Variants in PPP1R42 observed in about 807,000 individuals in gnomAD.
PPP1R42 encodes leucine rich repeat containing 67.
PPP1R42 carries 34 observed loss-of-function variants against 31.0 expected under a neutral mutation model. The observed-to-expected ratio is 1.10, with a 90% CI of 0.83 to 1.46. The LOEUF (loss-of-function observed/expected upper bound fraction) is 1.46, where lower values mean the gene tolerates loss of function less well. PPP1R42 is among the 40% of genes most tolerant of loss of function. PPP1R42 has a pLI of 0.00. For missense variants in PPP1R42, 268 were observed against 303.0 expected, an observed-to-expected ratio of 0.88 and a Z score of 0.86; for synonymous variants, 103 against 109.8, an observed-to-expected ratio of 0.94 and a Z score of 0.39.
intron 7 of PPP1R42, among the ~76,000 whole-genome samples, chr8:66,975,415 A>G (rs1184046782): frequency 6.6e-6 from 1 of 152,206 alleles, no homozygotes; most frequent in Non-Finnish European, 1.5e-5. Context: ...TGGAAGGCCA[A>G]GGTGGGTGGA....
intron 1 of PPP1R42, among the ~76,000 whole-genome samples, chr8:67,020,794 T>C (rs977556871): frequency 6.6e-6 from 1 of 152,196 alleles, no homozygotes; most frequent in Non-Finnish European, 1.5e-5. Flanking sequence ...CTGTTAAATA[T>C]GGGAAACATG....
intron 5 of PPP1R42, among the ~76,000 whole-genome samples, chr8:66,995,974 A>T (rs1585658747): frequency 6.6e-6 from 1 of 152,182 alleles, no homozygotes; most frequent in East Asian, 1.9e-4. Flanking sequence ...ACTACCTCCA[A>T]CCCCTACTAC....
chr8:66,982,110 AT>A lies in PPP1R42; in HGVS notation c.740del (p.Asp247ValfsTer21). 6.7e-7 allele frequency: 1 copy of A among 1,494,918 alleles called. No individual in the cohort carries two copies. Among genetic ancestry groups the A allele is most frequent in the Non-Finnish European group, 8.8e-7 (1 of 1,133,902 alleles). The allele number at this position is 1,494,918 out of a possible 1,614,324, so 92.6% of individuals were successfully genotyped here. ...TCCTTTTTTTGCTGATTTTCTTGGCATCTTTGGATGCTTTCCAATTCATTAG... is the reference window on the plus strand; with the variant it reads ...TCCTTTTTTTGCTGATTTTCTTGGCACTTTGGATGCTTTCCAATTCATTAG... ...QFLMNWKASK[D>X]AKKISKKRSS... On this transcript the variant is annotated frameshift_variant, in exon 7 of 8. Transcript: ENST00000685739. LOFTEE classifies it high-confidence loss of function.
In PPP1R42 at chr8:67,002,099, C is replaced by T. The variant is rs149064430; in HGVS notation, c.552+8616G>A. On this transcript the variant is annotated intron_variant, in intron 5 of 7. Coordinates refer to ENST00000685739, the MANE Select transcript of PPP1R42 (RefSeq NM_001364910.1). Reference sequence around the variant, plus strand: ...CATTTTAAATATGTTTCATGATCTTCTGGCTTGCATTGCTTTTGACAAGAA... The same window carrying T: ...CATTTTAAATATGTTTCATGATCTTTTGGCTTGCATTGCTTTTGACAAGAA... Among the ~76,000 whole-genome samples the T allele has an allele frequency of 1.5e-3, 232 of 152,312 alleles. 1 individual carries two copies. Among genetic ancestry groups the T allele is most frequent in the Middle Eastern group, 3.4e-3 (1 of 294 alleles).
intron 5 of PPP1R42, among the ~76,000 whole-genome samples, chr8:67,001,218 A>G (rs1585664372): frequency 6.8e-6 from 1 of 146,922 alleles, no homozygotes; most frequent in East Asian, 2.0e-4. Context: ...AGAGAGTACC[A>G]TTGGATTTTT....
chr8:67,018,280 G>C (rs1400371464), intron 1 of PPP1R42, among the ~76,000 whole-genome samples: 2 of 148,682 alleles, frequency 1.3e-5, no homozygotes, highest in Admixed American at 1.3e-4. Context: ...CCACGCCCCA[G>C]CTAATTTTTA....
At chr8:66,966,749 C>T (rs904927503) in intron 7 of PPP1R42, among the ~76,000 whole-genome samples, 1 of 151,728 alleles carries the variant, frequency 6.6e-6, no homozygotes, top group Non-Finnish European at 1.5e-5. Context: ...CACGCCACTG[C>T]ACTCCAGCCT....
chr8:66,984,041 A>T (rs1814927111), intron 6 of PPP1R42: 1 of 1,253,180 alleles, frequency 8.0e-7, no homozygotes, highest in African/African-American at 1.5e-5. Context: ...CAGTTCTGAG[A>T]TCATACAAGT....
chr8:67,001,743 TGTTA>T (rs1815497915), intron 5 of PPP1R42, among the ~76,000 whole-genome samples: 1 of 152,192 alleles, frequency 6.6e-6, no homozygotes, highest in Non-Finnish European at 1.5e-5. Context: ...TTTGTGCTAT[TGTTA>T]GTTTATTTTA....
In PPP1R42 at chr8:66,973,679, G is replaced by A. The variant is rs1585962303; in HGVS notation, c.802+8370C>T. 2.6e-5 allele frequency among the ~76,000 whole-genome samples: 4 copies of A among 152,216 alleles called. No individual in the cohort carries two copies. The South Asian group carries it at 8.3e-4, about 32-fold the overall frequency. On this transcript the variant is annotated intron_variant, in intron 7 of 7. Coordinates refer to ENST00000685739, the MANE Select transcript of PPP1R42 (RefSeq NM_001364910.1). The stretch of plus-strand genomic sequence containing the variant: ...TTTACCTTAGGTACAATATCGTATA[G>A]TAGATCTCTAGAGTTTATTCATCTT...
intron 7 of PPP1R42, among the ~76,000 whole-genome samples, chr8:66,964,629 A>G (rs1412317217): frequency 1.3e-5 from 2 of 152,170 alleles, no homozygotes; most frequent in Admixed American, 6.5e-5. Flanking sequence ...GGCTTCTTAT[A>G]TTTTGCACCC....
intron 6 of PPP1R42, 119 bp from the exon 7 acceptor site, chr8:66,982,299 G>T: frequency 2.2e-6 from 1 of 452,816 alleles, no homozygotes; most frequent in Non-Finnish European, 3.7e-6. Context: ...AAATAAATTT[G>T]TTTTTAAAAT....
chr8:66,982,088 T>C lies in PPP1R42; in HGVS notation c.763A>G (p.Arg255Gly). The change falls in exon 7 of 8, where the codon AGG (arginine) becomes GGG (glycine). Residue 255 changes from arginine (R) to glycine (G), a missense_variant. By Grantham distance (125) the Arg-to-Gly change is moderately radical. Transcript: ENST00000685739. The stretch of plus-strand genomic sequence containing the variant: ...CTTGCATCCTCATTTTTACTGCTCC[T>C]TTTTTTGCTGATTTTCTTGGCATCT... The part of the protein sequence containing the change: ...SKDAKKISKK[R>G]SSKNEDASNS... 2.0e-6 allele frequency: 3 copies of C among 1,493,780 alleles called. No homozygotes were observed. The highest frequency in any genetic ancestry group is 2.7e-6 in the Non-Finnish European group (3 of 1,131,610). The allele number at this position is 1,493,780 out of a possible 1,614,324, so 92.5% of individuals were successfully genotyped here. A position where few individuals can be genotyped will look rare whatever the true frequency, so the allele number is the denominator to read the frequency against.
intron 1 of PPP1R42, among the ~76,000 whole-genome samples, chr8:67,023,806 GT>G (rs553036503): frequency 5.0e-4 from 73 of 144,892 alleles, no homozygotes; most frequent in African/African-American, 5.0e-4. Context: ...TCTGCTGTAA[GT>G]TTTTTTTTTT....
At chr8:66,984,279 C>A in intron 6 of PPP1R42, 1 of 1,397,808 alleles carries the variant, frequency 7.2e-7, no homozygotes, top group South Asian at 1.2e-5. Context: ...TGGCTGTACC[C>A]TCCCAGAATA....
rs1563417771 is a variant in PPP1R42 at position 66,985,073 on chromosome 8, G to A, written c.671-2893C>T. Reference sequence around the variant, plus strand: ...TAAGAGTCCCACCACTCAATTTCAGGGATATCTCCTTCCTTTAGCTCCTTC... The same window carrying A: ...TAAGAGTCCCACCACTCAATTTCAGAGATATCTCCTTCCTTTAGCTCCTTC... On this transcript the variant is annotated intron_variant, in intron 6 of 7. Coordinates refer to ENST00000685739, the MANE Select transcript of PPP1R42 (RefSeq NM_001364910.1). 3.7e-6 allele frequency: 5 copies of A among 1,347,284 alleles called. No homozygotes were observed. In the East Asian group the frequency reaches 6.9e-5, roughly 19 times the overall value. 83.5% of individuals were successfully genotyped at this position (1,347,284 alleles called of 1,614,324 possible).
chr8:66,968,122 C>A (rs1397716960), intron 7 of PPP1R42, among the ~76,000 whole-genome samples: 3 of 151,620 alleles, frequency 2.0e-5, no homozygotes, highest in South Asian at 2.1e-4. Flanking sequence ...TCAGAATCAG[C>A]CTTTAAATAA....
intron 2 of PPP1R42, 137 bp from the exon 3 acceptor site, chr8:67,014,729 G>A: frequency 1.8e-6 from 1 of 547,980 alleles, no homozygotes; most frequent in Non-Finnish European, 3.1e-6. Context: ...CTCTGTTCTT[G>A]GCACAGTTAA....
rs1308140668 is a variant in PPP1R42 at position 66,977,336 on chromosome 8, C to CT, written c.802+4712dup. On this transcript the variant is annotated intron_variant, in intron 7 of 7. Coordinates refer to ENST00000685739, the MANE Select transcript of PPP1R42 (RefSeq NM_001364910.1). ...GCGTGAGCCATCGCGCCCACCCTTG[C>CT]TTTTTTTTTTTTTTTTTAAGAGACA... 7.6e-3 allele frequency among the ~76,000 whole-genome samples: 962 copies of CT among 125,808 alleles called. 3 individuals are homozygous for CT. The highest frequency in any genetic ancestry group is 0.025 in the Middle Eastern group (5 of 202). The allele number at this position is 125,808 out of a possible 152,430, so 82.5% of individuals were successfully genotyped here.
Sources: allele counts gnomAD v4.1 joint callset (sites outside exome capture counted in the v4.1 genomes callset), GRCh38; gene constraint gnomAD v4.1.1; transcripts MANE v1.5; gene names NCBI Gene and HGNC (gene_info 2026-07-23, HGNC 2026-07-21).